Variants in GNAO1 observed in about 807,000 individuals in gnomAD.
The protein encoded by GNAO1 is guanine nucleotide-binding protein G(o) subunit alpha.
For synonymous variants in GNAO1, 164 were observed against 180.7 expected (o/e 0.91, Z 0.74); for missense variants, 166 against 478.7 (o/e 0.35, Z 6.10).
At chr16:56,253,274 C>T (rs1391619972) in intron 2 of GNAO1, among the ~76,000 whole-genome samples, 1 of 152,196 alleles carries the variant, frequency 6.6e-6, no homozygotes, top group East Asian at 1.9e-4. Flanking sequence ...ATCGACTCCT[C>T]CTGCCACTTT....
chr16:56,266,336 C>T (rs879765569), intron 2 of GNAO1, among the ~76,000 whole-genome samples: 2 of 152,212 alleles, frequency 1.3e-5, no homozygotes, highest in African/African-American at 2.4e-5. Context: ...GTCAAGGAAG[C>T]AGCCTTTATG....
At chr16:56,204,899 C>T (rs750905538) in intron 2 of GNAO1, among the ~76,000 whole-genome samples, 4 of 152,050 alleles carry the variant, frequency 2.6e-5, no homozygotes, top group Admixed American at 2.6e-4. Context: ...AACTGGATCG[C>T]GTGATCTATA....
intron 6 of GNAO1, chr16:56,343,874 A>T (rs1339460298): frequency 6.2e-7 from 1 of 1,614,058 alleles, no homozygotes; most frequent in African/African-American, 1.3e-5. Flanking sequence ...ACGGACACCA[A>T]CAACATCCAG....
chr16:56,221,406 T>G (rs1464140639), intron 2 of GNAO1, among the ~76,000 whole-genome samples: 2 of 151,890 alleles, frequency 1.3e-5, no homozygotes, highest in African/African-American at 2.4e-5. Flanking sequence ...TACCAACACT[T>G]TGGGAAGCCA....
chr16:56,243,259 C>T (rs562768954), intron 2 of GNAO1, among the ~76,000 whole-genome samples: 1 of 152,114 alleles, frequency 6.6e-6, no homozygotes, highest in East Asian at 1.9e-4. Flanking sequence ...CTTGAGTCAT[C>T]CTGAAACCAC....
chr16:56,267,891 C>G (rs1041923475), intron 2 of GNAO1, among the ~76,000 whole-genome samples: 1 of 150,610 alleles, frequency 6.6e-6, no homozygotes, highest in Non-Finnish European at 1.5e-5. Context: ...TATACCCCTG[C>G]CCCCCACCCC....
intron 2 of GNAO1, among the ~76,000 whole-genome samples, chr16:56,271,974 T>C (rs1197941457): frequency 6.6e-6 from 1 of 152,312 alleles, no homozygotes. Flanking sequence ...AGGGTCTTTA[T>C]TGATACATTT....
At chr16:56,200,216 C>G (rs1244041527) in intron 2 of GNAO1, among the ~76,000 whole-genome samples, 1 of 152,132 alleles carries the variant, frequency 6.6e-6, no homozygotes, top group Non-Finnish European at 1.5e-5. Context: ...CCCTTGCTAG[C>G]CTGGGTGTCC....
At chr16:56,333,041 A>G (rs1274503125) in intron 4 of GNAO1, among the ~76,000 whole-genome samples, 1 of 151,970 alleles carries the variant, frequency 6.6e-6, no homozygotes, top group Non-Finnish European at 1.5e-5. Flanking sequence ...CCATCCCCAC[A>G]CCGTTCCTGT....
At chr16:56,223,193 C>G (rs888129612) in intron 2 of GNAO1, among the ~76,000 whole-genome samples, 1 of 152,198 alleles carries the variant, frequency 6.6e-6, no homozygotes, top group African/African-American at 2.4e-5. Flanking sequence ...CCATTCCTTG[C>G]TCTTGGAGAT....
chr16:56,330,950 CAG>C (rs1306856246), intron 4 of GNAO1, among the ~76,000 whole-genome samples: 2 of 152,198 alleles, frequency 1.3e-5, no homozygotes, highest in African/African-American at 2.4e-5. Context: ...GCAGGAAAGA[CAG>C]GGGACACACA....
chr16:56,199,076 C>T (rs1318033024), intron 2 of GNAO1, among the ~76,000 whole-genome samples: 6 of 152,208 alleles, frequency 3.9e-5, no homozygotes, highest in African/African-American at 1.4e-4. Flanking sequence ...CCCAGGCTCC[C>T]TTCCTGTTGT....
At chr16:56,258,536 C>T (rs1411811364) in intron 2 of GNAO1, among the ~76,000 whole-genome samples, 2 of 152,154 alleles carry the variant, frequency 1.3e-5, no homozygotes, top group Non-Finnish European at 2.9e-5. Context: ...ACCCCTTGCC[C>T]ATGGTTCTGT....
chr16:56,236,502 A>G (rs971322834), intron 2 of GNAO1, among the ~76,000 whole-genome samples: 25 of 152,198 alleles, frequency 1.6e-4, no homozygotes, highest in African/African-American at 5.5e-4. Context: ...TCTGGACCTC[A>G]GTGTTCCAGG....
chr16:56,300,378 G>A (rs1469330505), intron 3 of GNAO1, among the ~76,000 whole-genome samples: 1 of 152,194 alleles, frequency 6.6e-6, no homozygotes, highest in East Asian at 1.9e-4. Flanking sequence ...AGTGGTACCA[G>A]CTGGCCCCTG....
intron 2 of GNAO1, among the ~76,000 whole-genome samples, chr16:56,247,148 A>G (rs1165707538): frequency 6.6e-6 from 1 of 152,166 alleles, no homozygotes; most frequent in Non-Finnish European, 1.5e-5. Flanking sequence ...CCAGCTACCC[A>G]GGTCAGCATG....
chr16:56,268,091 T>G (rs1241737972), intron 2 of GNAO1, among the ~76,000 whole-genome samples: 1 of 152,232 alleles, frequency 6.6e-6, no homozygotes, highest in Non-Finnish European at 1.5e-5. Flanking sequence ...GTTTTGTCCC[T>G]GCTCTGCCAC....
At chr16:56,221,013 T>C in intron 2 of GNAO1, among the ~76,000 whole-genome samples, 1 of 152,240 alleles carries the variant, frequency 6.6e-6, no homozygotes, top group South Asian at 2.1e-4. Flanking sequence ...CCCAAAGTGC[T>C]GGGATTACAG....
At position 56,328,740 on chromosome 16, in the gene GNAO1, A is replaced by G. The variant is rs1245351159; in HGVS notation, c.413A>G (p.Gln138Arg). The change falls in exon 4 of 9, where the codon CAA becomes CGA. Residue 138 changes from glutamine (Q) to arginine (R), a missense_variant. By Grantham distance (43) the Gln-to-Arg change is conservative. Coordinates refer to ENST00000262493, the MANE Select transcript of GNAO1 (RefSeq NM_020988.3). Reference sequence around the variant, plus strand: ...CGGCTCTGGGGCGACTCAGGAATCCAAGAGTGCTTCAACCGGTCCCGGGAG... The same window carrying G: ...CGGCTCTGGGGCGACTCAGGAATCCGAGAGTGCTTCAACCGGTCCCGGGAG... ...MMRLWGDSGI[Q>R]ECFNRSREYQ... The G allele has an allele frequency of 9.9e-6, 16 of 1,614,140 alleles. No individual in the cohort carries two copies. Among genetic ancestry groups the G allele is most frequent in the Non-Finnish European group, 1.2e-5 (14 of 1,180,050 alleles).
Sources: allele counts gnomAD v4.1 joint callset (sites outside exome capture counted in the v4.1 genomes callset), GRCh38; gene constraint gnomAD v4.1.1; transcripts MANE v1.5; gene names NCBI Gene and HGNC (gene_info 2026-07-23, HGNC 2026-07-21).